WDR27: variants seen among roughly 807,000 people sequenced by gnomAD.
WDR27 encodes WD repeat domain 27.
Under a neutral mutation model 114.4 loss-of-function variants are expected in WDR27, and 100 were observed. The observed-to-expected ratio is 0.87, with a 90% CI of 0.74 to 1.03. The LOEUF (loss-of-function observed/expected upper bound fraction) is 1.03, where lower values mean the gene tolerates loss of function less well. Ranked by LOEUF, WDR27 falls within the 50% of genes least tolerant of loss-of-function variation. WDR27 has a pLI of 0.00. For missense variants in WDR27, 1,129 were observed against 1,092.9 expected (o/e 1.03, Z -0.47); for synonymous variants, 449 against 423.1 (o/e 1.06, Z -0.75).
At chr6:169,658,750 C>G (rs900671612) in intron 12 of WDR27, among the ~76,000 whole-genome samples, 1 of 150,874 alleles carries the variant, frequency 6.6e-6, no homozygotes, top group Non-Finnish European at 1.5e-5. Flanking sequence ...GTGGCGCGAT[C>G]TCAGCTCACT....
At chr6:169,662,116 C>G (rs193287935) in intron 9 of WDR27, among the ~76,000 whole-genome samples, 188 bp downstream of exon 9, 1 of 152,290 alleles carries the variant, frequency 6.6e-6, no homozygotes, top group Non-Finnish European at 1.5e-5. Flanking sequence ...AAGACACTTA[C>G]GTATCATTGC....
intron 25 of WDR27, among the ~76,000 whole-genome samples, chr6:169,523,679 G>A (rs1357073423): frequency 6.6e-6 from 1 of 151,848 alleles, no homozygotes; most frequent in African/African-American, 2.4e-5. Context: ...CAGAATTAAG[G>A]ATAAAAACTA....
intron 14 of WDR27, among the ~76,000 whole-genome samples, 184 bp downstream of exon 14, chr6:169,651,746 G>A (rs771681523): frequency 1.2e-4 from 19 of 152,184 alleles, no homozygotes; most frequent in Non-Finnish European, 2.2e-4. Flanking sequence ...AACGTTTGCT[G>A]CTGCAGCTGC....
chr6:169,624,168 GTCAGGTGTGCAGCGTGTGGCA>G (rs1562729352), intron 21 of WDR27, among the ~76,000 whole-genome samples: 1 of 151,118 alleles, frequency 6.6e-6, no homozygotes, highest in Non-Finnish European at 1.5e-5. Flanking sequence ...GGTGTGTGGC[GTCAGGTGTGCAGCGTGTGGCA>G]TCAGGTGTGC....
chr6:169,592,115 G>A (rs947384780), intron 23 of WDR27, among the ~76,000 whole-genome samples: 1 of 152,068 alleles, frequency 6.6e-6, no homozygotes, highest in African/African-American at 2.4e-5. Flanking sequence ...AGAGGTTAAC[G>A]GCTGACAGGG....
chr6:169,464,716 G>C (rs1785331290), intron 25 of WDR27, among the ~76,000 whole-genome samples: 1 of 152,174 alleles, frequency 6.6e-6, no homozygotes, highest in Non-Finnish European at 1.5e-5. Flanking sequence ...AGGATATATA[G>C]AGGAGCCCTA....
At chr6:169,698,417 C>A (rs1486224063) in intron 1 of WDR27, among the ~76,000 whole-genome samples, 1 of 152,190 alleles carries the variant, frequency 6.6e-6, no homozygotes, top group Non-Finnish European at 1.5e-5. Flanking sequence ...GACACACACA[C>A]ACACATACAC....
chr6:169,586,897 G>A (rs1804750257), intron 23 of WDR27, among the ~76,000 whole-genome samples: 1 of 139,902 alleles, frequency 7.1e-6, no homozygotes, highest in Admixed American at 7.4e-5. Flanking sequence ...CTGACTTCAG[G>A]GACAAAGTAT....
chr6:169,613,328 C>T (rs1162256472), intron 22 of WDR27, among the ~76,000 whole-genome samples: 1 of 152,096 alleles, frequency 6.6e-6, no homozygotes. Flanking sequence ...CATCGCTGAC[C>T]CACAGGAAGG....
chr6:169,651,492 G>A (rs1822542524), intron 14 of WDR27, among the ~76,000 whole-genome samples: 2 of 152,118 alleles, frequency 1.3e-5, no homozygotes, highest in Non-Finnish European at 2.9e-5. Flanking sequence ...CCTTTGAGCA[G>A]TCTTGCTAAC....
chr6:169,697,574 C>A (rs1786520702), intron 1 of WDR27, among the ~76,000 whole-genome samples: 1 of 152,214 alleles, frequency 6.6e-6, no homozygotes, highest in Non-Finnish European at 1.5e-5. Context: ...CGCTCCTAGT[C>A]CGCCTTCAGG....
chr6:169,635,131 G>T lies in WDR27; in HGVS notation c.2004-606C>A, dbSNP rs907248685. Among the ~76,000 whole-genome samples the T allele has an allele frequency of 3.9e-5, 6 of 152,126 alleles. No homozygotes were observed. In the South Asian group the frequency reaches 1.2e-3, roughly 32 times the overall value. ...GCCTGTAATCCCAGCACTTTGGGAG[G>T]CCGAGGCGGGCAGATCACGAGGTCA... On this transcript the variant is annotated intron_variant, in intron 19 of 25. Coordinates refer to ENST00000448612, the MANE Select transcript of WDR27 (RefSeq NM_182552.5).
At chr6:169,582,266 C>A (rs979905863) in intron 24 of WDR27, among the ~76,000 whole-genome samples, 1 of 152,186 alleles carries the variant, frequency 6.6e-6, no homozygotes, top group Non-Finnish European at 1.5e-5. Context: ...TGAGCCACTG[C>A]GCCTGGCCAA....
chr6:169,551,074 T>G (rs1798032666), intron 25 of WDR27, among the ~76,000 whole-genome samples: 1 of 152,164 alleles, frequency 6.6e-6, no homozygotes, highest in South Asian at 2.1e-4. Flanking sequence ...TAAACTCTTC[T>G]AAGGAAAAAT....
At chr6:169,598,621 G>T (rs1383417386) in intron 23 of WDR27, among the ~76,000 whole-genome samples, 2 of 152,212 alleles carry the variant, frequency 1.3e-5, no homozygotes, top group Non-Finnish European at 2.9e-5. Context: ...AAAGAACGGG[G>T]AAACGAGAGA....
intron 25 of WDR27, among the ~76,000 whole-genome samples, chr6:169,504,633 G>C (rs977012905): frequency 9.2e-5 from 14 of 152,096 alleles, no homozygotes; most frequent in African/African-American, 3.4e-4. Flanking sequence ...TTTTGAGACA[G>C]GGTCTCACTC....
intron 24 of WDR27, among the ~76,000 whole-genome samples, chr6:169,575,224 A>ATC (rs1802059635): frequency 7.2e-6 from 1 of 139,698 alleles, no homozygotes; most frequent in Non-Finnish European, 1.6e-5. Flanking sequence ...CCATCCATCC[A>ATC]TCTCTCTCCC....
At chr6:169,655,191 C>T (rs1241793488) in intron 13 of WDR27, among the ~76,000 whole-genome samples, 1 of 152,238 alleles carries the variant, frequency 6.6e-6, no homozygotes, top group Non-Finnish European at 1.5e-5. Context: ...ATTCCAGCGT[C>T]CAGCGACATG....
At chr6:169,534,005 T>G (rs1795927478) in intron 25 of WDR27, among the ~76,000 whole-genome samples, 1 of 152,182 alleles carries the variant, frequency 6.6e-6, no homozygotes, top group Non-Finnish European at 1.5e-5. Flanking sequence ...CGAAAACCAT[T>G]AAGACTGCTG....
Sources: allele counts gnomAD v4.1 joint callset (sites outside exome capture counted in the v4.1 genomes callset), GRCh38; gene constraint gnomAD v4.1.1; transcripts MANE v1.5; gene names NCBI Gene and HGNC (gene_info 2026-07-23, HGNC 2026-07-21).